PCM1: variants seen among roughly 807,000 people sequenced by gnomAD.
PCM1 encodes pericentriolar material 1, also known as pericentriolar material 1 protein.
Under a neutral mutation model 241.9 loss-of-function variants are expected in PCM1, and 157 were observed. The ratio of observed to expected loss-of-function variants is 0.65; its 90% CI spans 0.57 to 0.74. The LOEUF (loss-of-function observed/expected upper bound fraction) is 0.74. Among genes scored for constraint, PCM1 ranks in the 30% least tolerant of loss-of-function variants. The probability of loss-of-function intolerance (pLI) is 0.00; values close to 1 mark genes in which losing one functional copy is unlikely to be tolerated. For synonymous variants in PCM1, 1,085 were observed against 784.9 expected (o/e 1.38, Z -6.39); for missense variants, 3,478 against 2,360.1 (o/e 1.47, Z -9.81).
At position 17,947,304 on chromosome 8, in the gene PCM1, C is replaced by A; in HGVS notation, c.902C>A (p.Ala301Asp). ...EQLRALQGRQ[A>D]ALLALQHKAE... ...CTAAGAGCTCTACAGGGACGGCAGG[C>A]TGCACTTCTAGCTCTGCAACATAAA... is the stretch of plus-strand genomic sequence containing the variant. The change falls in exon 7 of 39, where the codon GCT (alanine) becomes GAT (aspartate). Residue 301 changes from alanine to aspartate, a missense_variant. Physicochemically the swap from Ala to Asp is moderately radical, Grantham distance 126. Coordinates refer to ENST00000325083, the MANE Select transcript of PCM1 (RefSeq NM_006197.4). The A allele has an allele frequency of 6.2e-7, 1 of 1,612,514 alleles. No homozygotes were observed. Among genetic ancestry groups the A allele is most frequent in the Non-Finnish European group, 8.5e-7 (1 of 1,178,940 alleles).
intron 36 of PCM1, among the ~76,000 whole-genome samples, chr8:18,023,208 C>T (rs1588777820): frequency 6.6e-6 from 1 of 152,104 alleles, no homozygotes; most frequent in East Asian, 1.9e-4. Context: ...GTGGTTTGGG[C>T]TATTTCCTAC....
At chr8:17,965,567 A>T (rs2074518848) in intron 18 of PCM1, among the ~76,000 whole-genome samples, 1 of 152,220 alleles carries the variant, frequency 6.6e-6, no homozygotes, top group Non-Finnish European at 1.5e-5. Context: ...GTAGATAGTG[A>T]AAAGAGTCTG....
At chr8:17,994,607 A>G (rs1424225033) in intron 29 of PCM1, among the ~76,000 whole-genome samples, 1 of 152,188 alleles carries the variant, frequency 6.6e-6, no homozygotes, top group Non-Finnish European at 1.5e-5. Context: ...TTTTTTGAGC[A>G]ACTTCCAAAC....
intron 3 of PCM1, among the ~76,000 whole-genome samples, 164 bp from the exon 4 acceptor site, chr8:17,936,970 G>C (rs1186147480): frequency 6.6e-6 from 1 of 152,108 alleles, no homozygotes; most frequent in Non-Finnish European, 1.5e-5. Flanking sequence ...GTAATGAGGG[G>C]AAAATGGGTT....
intron 29 of PCM1, among the ~76,000 whole-genome samples, chr8:17,996,013 G>T (rs544122000): frequency 6.6e-6 from 1 of 152,000 alleles, no homozygotes; most frequent in Non-Finnish European, 1.5e-5. Context: ...TTTCCAGTTT[G>T]GATCCCCTCT....
rs2129450548 is a variant in PCM1, at chr8:17,940,047, A to G, written c.783+186A>G. ...ATACCGCTAAAATATTTCAGGCTAG[A>G]GAAAATGAGGAGGAGGATGTTCGGA... On this transcript the variant is annotated intron_variant, in intron 6 of 38. Transcript: ENST00000325083. 3 of 1,564,830 alleles carry G rather than the reference A, an allele frequency of 1.9e-6. No homozygotes were observed. In the East Asian group the frequency reaches 6.8e-5, roughly 35 times the overall value.
At chr8:17,974,781 C>T (rs1359268765) in intron 23 of PCM1, among the ~76,000 whole-genome samples, 1 of 151,528 alleles carries the variant, frequency 6.6e-6, no homozygotes, top group Non-Finnish European at 1.5e-5. Flanking sequence ...ATAAAAATAC[C>T]TGCTGTTTGA....
At chr8:18,026,163 CTGAAACAAAAAAA>C (rs1438895340) in intron 38 of PCM1, among the ~76,000 whole-genome samples, 10 of 53,676 alleles carry the variant, frequency 1.9e-4, no homozygotes, top group East Asian at 1.4e-3. Context: ...GACTCCCTCT[CTGAAACAAAAAAA>C]AAAAAAAAAA....
Position 17,940,059 on chromosome 8 carries a change from G to C in PCM1, c.783+198G>C, listed in dbSNP as rs192300400. The C allele has an allele frequency of 7.0e-5, 111 of 1,575,514 alleles. No homozygotes were observed. In the African/African-American group the frequency reaches 1.1e-3, roughly 16 times the overall value. On this transcript the variant is annotated intron_variant, in intron 6 of 38. Coordinates refer to ENST00000325083, the MANE Select transcript of PCM1 (RefSeq NM_006197.4). ...TATTTCAGGCTAGAGAAAATGAGGA[G>C]GAGGATGTTCGGACTATAGATTCAG...
chr8:18,022,722 A>G (rs1265704651), intron 36 of PCM1, among the ~76,000 whole-genome samples: 1 of 152,218 alleles, frequency 6.6e-6, no homozygotes, highest in Non-Finnish European at 1.5e-5. Context: ...GTCAGACTTT[A>G]TGATTTAACA....
chr8:18,024,764 A>C (rs1564466363), intron 36 of PCM1, among the ~76,000 whole-genome samples: 1 of 152,170 alleles, frequency 6.6e-6, no homozygotes, highest in Non-Finnish European at 1.5e-5. Context: ...ATAAGTATGA[A>C]ATATAAGCTG....
rs745840190 is a variant in PCM1, at chr8:17,963,182, G to A, written c.2545G>A (p.Glu849Lys). ...RRKQLEALMA[E>K]HQRRQGLAET... ...AAAGCAGCTTGAAGCTCTGATGGCT[G>A]AACATCAGAGGAGGCAAGGTCTAGC... Residue 849 changes from glutamate to lysine, a missense_variant, in exon 17 of 39, where the codon GAA becomes AAA. Glu to Lys is a moderately conservative substitution (Grantham distance 56). Transcript: ENST00000325083. 1.7e-5 allele frequency: 28 copies of A among 1,611,894 alleles called. No individual in the cohort carries two copies. The highest frequency in any genetic ancestry group is 8.5e-7 in the Non-Finnish European group (1 of 1,178,146).
Position 17,980,585 on chromosome 8 carries a change from C to G in PCM1, c.3944-6C>G. ...CTGATAACAGTTGTCACTTTTTTTA[C>G]TCAAGGGTATGAAAGTGCCAGTATG... is the stretch of plus-strand genomic sequence containing the variant. On this transcript the variant is annotated splice_polypyrimidine_tract_variant and splice_region_variant and intron_variant, in intron 23 of 38. Transcript: ENST00000325083. The G allele has an allele frequency of 6.4e-7, 1 of 1,564,644 alleles. No individual in the cohort carries two copies. The highest frequency in any genetic ancestry group is 8.6e-7 in the Non-Finnish European group (1 of 1,158,930).
intron 22 of PCM1, among the ~76,000 whole-genome samples, chr8:17,970,899 A>G (rs2076614965): frequency 6.6e-6 from 1 of 152,204 alleles, no homozygotes; most frequent in Non-Finnish European, 1.5e-5. Flanking sequence ...TTAAATGACT[A>G]GAGATAAAAA....
chr8:17,972,290 A>G (rs746699426), intron 22 of PCM1, 39 bp from the exon 23 acceptor site: 15 of 1,200,336 alleles, frequency 1.2e-5, no homozygotes, highest in Admixed American at 3.0e-5. Context: ...TTTGTAAACT[A>G]TAGTTGTTAA....
Position 18,027,626 on chromosome 8 carries a change from C to CT in PCM1, c.6050-10dup, listed in dbSNP as rs769478246. The stretch of plus-strand genomic sequence containing the variant: ...AAGTAATTTATAAAGCATTTTTATT[C>CT]TGTTTTTCAGAAACGGTGGGAGCCC... On this transcript the variant is annotated splice_polypyrimidine_tract_variant and intron_variant, in intron 38 of 38. Transcript: ENST00000325083. 7 of 1,567,814 alleles carry CT rather than the reference C, an allele frequency of 4.5e-6. No individual in the cohort carries two copies. In the African/African-American group the frequency reaches 9.4e-5, roughly 21 times the overall value.
intron 36 of PCM1, among the ~76,000 whole-genome samples, chr8:18,022,152 G>A (rs1360758407): frequency 2.0e-5 from 3 of 152,104 alleles, no homozygotes; most frequent in African/African-American, 4.8e-5. Context: ...CAAGTAGAGA[G>A]AGCTTCCTTA....
chr8:18,022,987 G>A (rs2093880287), intron 36 of PCM1, among the ~76,000 whole-genome samples: 1 of 152,136 alleles, frequency 6.6e-6, no homozygotes, highest in Admixed American at 6.5e-5. Flanking sequence ...ACATAGAAGT[G>A]TTTTTTTATT....
chr8:17,984,784 G>T (rs572652005), intron 24 of PCM1, among the ~76,000 whole-genome samples: 4 of 152,020 alleles, frequency 2.6e-5, no homozygotes, highest in African/African-American at 9.6e-5. Flanking sequence ...CTAAATAATA[G>T]AGTGATGCCT....
Sources: gnomAD v4.1 joint callset for allele counts (sites outside exome capture counted in the v4.1 genomes callset) on GRCh38, gnomAD v4.1.1 for gene constraint, MANE v1.5 for transcripts, NCBI Gene and HGNC (gene_info 2026-07-23, HGNC 2026-07-21) for gene names.